WDFY2: variants seen among roughly 807,000 people sequenced by gnomAD.
WDFY2 encodes WD repeat and FYVE domain containing 2.
In WDFY2, 36 loss-of-function variants were observed where a neutral mutation model predicts 56.4. The observed-to-expected ratio is 0.64, with a 90% CI of 0.49 to 0.84. WDFY2 has a LOEUF of 0.84. Among genes scored for constraint, WDFY2 ranks in the 40% least tolerant of loss-of-function variants. WDFY2 has a pLI of 0.00. For missense variants in WDFY2, 444 were observed against 512.2 expected, an observed-to-expected ratio of 0.87 and a Z score of 1.29; for synonymous variants, 176 against 183.7, an observed-to-expected ratio of 0.96 and a Z score of 0.34.
At chr13:51,604,244 A>C (rs1306834230) in intron 1 of WDFY2, among the ~76,000 whole-genome samples, 4 of 152,222 alleles carry the variant, frequency 2.6e-5, no homozygotes, top group Non-Finnish European at 5.9e-5. Context: ...CAAGGTTTCC[A>C]ACTAGAAAAG....
At chr13:51,670,489 GCACACACACACACACACA>G (rs55984632) in intron 2 of WDFY2, among the ~76,000 whole-genome samples, 29 of 131,422 alleles carry the variant, frequency 2.2e-4, no homozygotes, top group East Asian at 6.9e-4. Flanking sequence ...GTGCGCACAT[GCACACACACACACACACA>G]CACACACACA....
intron 1 of WDFY2, among the ~76,000 whole-genome samples, chr13:51,643,930 T>G (rs1422356803): frequency 1.3e-5 from 2 of 152,214 alleles, no homozygotes; most frequent in Non-Finnish European, 2.9e-5. Context: ...AAGGAATTAT[T>G]GATTATTCAG....
intron 1 of WDFY2, among the ~76,000 whole-genome samples, chr13:51,656,180 G>T (rs1346438788): frequency 6.6e-6 from 1 of 150,630 alleles, no homozygotes; most frequent in Non-Finnish European, 1.5e-5. Context: ...TTTAATATAG[G>T]CATTTATAGC....
chr13:51,630,115 T>C (rs893179942), intron 1 of WDFY2, among the ~76,000 whole-genome samples: 2 of 152,162 alleles, frequency 1.3e-5, no homozygotes, highest in African/African-American at 4.8e-5. Flanking sequence ...ATTAAAGACA[T>C]TGAGTTACTG....
chr13:51,690,945 A>G (rs1026128275), intron 3 of WDFY2, among the ~76,000 whole-genome samples: 4 of 152,192 alleles, frequency 2.6e-5, no homozygotes, highest in Non-Finnish European at 5.9e-5. Flanking sequence ...TCTGATGGCC[A>G]GTGATGGTGA....
intron 4 of WDFY2, among the ~76,000 whole-genome samples, chr13:51,718,090 G>A (rs1181990300): frequency 2.0e-5 from 3 of 152,208 alleles, no homozygotes; most frequent in African/African-American, 7.2e-5. Flanking sequence ...TGTCAGCAGA[G>A]CCGCATTTGT....
chr13:51,678,812 A>C (rs1421134666), intron 3 of WDFY2, among the ~76,000 whole-genome samples: 2 of 152,306 alleles, frequency 1.3e-5, no homozygotes, highest in East Asian at 1.9e-4. Context: ...GTAAACAAAT[A>C]ATAGCAGAAG....
intron 4 of WDFY2, among the ~76,000 whole-genome samples, chr13:51,711,835 G>A (rs1460713993): frequency 6.6e-6 from 1 of 152,212 alleles, no homozygotes; most frequent in East Asian, 1.9e-4. Flanking sequence ...CTTTTACACT[G>A]TTGGTGGGAC....
intron 6 of WDFY2, among the ~76,000 whole-genome samples, chr13:51,729,238 G>A (rs1247697872): frequency 6.6e-6 from 1 of 151,752 alleles, no homozygotes; most frequent in Non-Finnish European, 1.5e-5. Flanking sequence ...CATTACCATT[G>A]CACACTCACG....
chr13:51,600,626 T>C (rs1199408724), intron 1 of WDFY2, among the ~76,000 whole-genome samples: 1 of 152,184 alleles, frequency 6.6e-6, no homozygotes, highest in African/African-American at 2.4e-5. Flanking sequence ...TAGGGTCAGC[T>C]GTTCACTCTG....
At chr13:51,595,828 A>G (rs1954133940) in intron 1 of WDFY2, among the ~76,000 whole-genome samples, 3 of 152,312 alleles carry the variant, frequency 2.0e-5, no homozygotes, top group African/African-American at 7.2e-5. Context: ...CAGTAAATAT[A>G]TAAATAAAGG....
intron 6 of WDFY2, among the ~76,000 whole-genome samples, chr13:51,736,989 T>C: frequency 6.6e-6 from 1 of 152,186 alleles, no homozygotes; most frequent in East Asian, 1.9e-4. Flanking sequence ...CCCACCATTA[T>C]TAAATCTGAT....
intron 6 of WDFY2, among the ~76,000 whole-genome samples, chr13:51,737,002 T>C (rs1482514364): frequency 6.6e-6 from 1 of 152,218 alleles, no homozygotes; most frequent in Non-Finnish European, 1.5e-5. Context: ...AATCTGATAA[T>C]GATGCCTTAA....
At chr13:51,721,198 C>T (rs1952482049) in intron 5 of WDFY2, among the ~76,000 whole-genome samples, 1 of 152,130 alleles carries the variant, frequency 6.6e-6, no homozygotes, top group African/African-American at 2.4e-5. Context: ...GGTCCTATGT[C>T]TTATCTGAGG....
At chr13:51,651,993 A>G (rs1955398480) in intron 1 of WDFY2, among the ~76,000 whole-genome samples, 3 of 152,182 alleles carry the variant, frequency 2.0e-5, no homozygotes, top group African/African-American at 7.2e-5. Context: ...TAATGTTGAC[A>G]GTGTGGTTGT....
At chr13:51,674,715 G>C (rs1432622407) in intron 2 of WDFY2, among the ~76,000 whole-genome samples, 5 of 152,122 alleles carry the variant, frequency 3.3e-5, no homozygotes, top group African/African-American at 4.8e-5. Context: ...CTAGACTCCT[G>C]TGTGTATGTG....
intron 1 of WDFY2, among the ~76,000 whole-genome samples, chr13:51,634,928 AT>A (rs1243209281): frequency 1.3e-5 from 2 of 151,816 alleles, no homozygotes; most frequent in African/African-American, 4.8e-5. Flanking sequence ...TTATTTACTT[AT>A]TTTTTAATTT....
chr13:51,641,825 CAAAAAAAAAAAAAAAA>C (rs750489541), intron 1 of WDFY2, among the ~76,000 whole-genome samples: 7 of 37,420 alleles, frequency 1.9e-4, no homozygotes, highest in Admixed American at 3.2e-4. Flanking sequence ...GACTCCGTCT[CAAAAAAAAAAAAAAAA>C]AAAAAAAAAA....
At chr13:51,717,072 A>G (rs1952370106) in intron 4 of WDFY2, among the ~76,000 whole-genome samples, 1 of 152,160 alleles carries the variant, frequency 6.6e-6, no homozygotes, top group Non-Finnish European at 1.5e-5. Context: ...CATCATCCTT[A>G]ATGGTGAGAA....
Sources: allele counts gnomAD v4.1 joint callset (sites outside exome capture counted in the v4.1 genomes callset), GRCh38; gene constraint gnomAD v4.1.1; transcripts MANE v1.5; gene names NCBI Gene and HGNC (gene_info 2026-07-23, HGNC 2026-07-21).